RBFOX3: variants seen among roughly 807,000 people sequenced by gnomAD.
The protein encoded by RBFOX3 is RNA binding protein fox-1 homolog 3.
Under a neutral mutation model 48.7 loss-of-function variants are expected in RBFOX3, and 17 were observed. The observed-to-expected ratio is 0.35, with a 90% confidence interval of 0.24 to 0.52. The LOEUF (loss-of-function observed/expected upper bound fraction) is 0.52, where lower values mean the gene tolerates loss of function less well. Ranked by LOEUF, RBFOX3 falls within the 20% of genes least tolerant of loss-of-function variation. RBFOX3 has a pLI of 0.94. For synonymous variants in RBFOX3, 212 were observed against 209.5 expected, an observed-to-expected ratio of 1.01 and a Z score of -0.10; for missense variants, 382 against 497.5, an observed-to-expected ratio of 0.77 and a Z score of 2.21.
At chr17:79,315,950 T>G (rs2077484207) in intron 2 of RBFOX3, among the ~76,000 whole-genome samples, 1 of 151,790 alleles carries the variant, frequency 6.6e-6, no homozygotes. Flanking sequence ...CCGCAAGGGG[T>G]GGGTCCGCCA....
intron 4 of RBFOX3, among the ~76,000 whole-genome samples, chr17:79,229,335 TC>T (rs1172147815): frequency 7.0e-6 from 1 of 142,846 alleles, no homozygotes; most frequent in Non-Finnish European, 1.5e-5. Flanking sequence ...GGAGGGCAGA[TC>T]ACTTGAGGTC....
chr17:79,462,639 C>T (rs564382145), intron 2 of RBFOX3, among the ~76,000 whole-genome samples: 2 of 152,226 alleles, frequency 1.3e-5, no homozygotes, highest in Admixed American at 6.5e-5. Context: ...TGCTCAGTGT[C>T]CTACAGCCCA....
intron 1 of RBFOX3, among the ~76,000 whole-genome samples, chr17:79,587,625 C>T (rs887713301): frequency 2.6e-5 from 4 of 152,184 alleles, no homozygotes; most frequent in Non-Finnish European, 4.4e-5. Context: ...CTCAGCCAGG[C>T]GAGGTCCCCC....
intron 3 of RBFOX3, among the ~76,000 whole-genome samples, chr17:79,297,623 G>C (rs1203401116): frequency 6.6e-6 from 1 of 152,260 alleles, no homozygotes; most frequent in Non-Finnish European, 1.5e-5. Context: ...CCATAGGCCA[G>C]GGCACAGTGT....
intron 4 of RBFOX3, among the ~76,000 whole-genome samples, chr17:79,135,836 T>A (rs1283842763): frequency 6.6e-6 from 1 of 152,088 alleles, no homozygotes; most frequent in Non-Finnish European, 1.5e-5. Flanking sequence ...ACACACGAGG[T>A]CACAGAGTCC....
intron 3 of RBFOX3, among the ~76,000 whole-genome samples, chr17:79,297,693 C>T (rs1206650623): frequency 6.6e-6 from 1 of 152,224 alleles, no homozygotes; most frequent in East Asian, 1.9e-4. Flanking sequence ...ATAAACACAG[C>T]CGGCCACACT....
At chr17:79,236,103 T>G (rs1159539437) in intron 3 of RBFOX3, among the ~76,000 whole-genome samples, 2 of 152,168 alleles carry the variant, frequency 1.3e-5, no homozygotes, top group Non-Finnish European at 2.9e-5. Flanking sequence ...GTTCCTTTTT[T>G]TCCCCCACCT....
In RBFOX3 at chr17:79,479,353, C is replaced by T. The variant is rs1449032470; in HGVS notation, c.-175+3101G>A. Among the ~76,000 whole-genome samples the T allele has an allele frequency of 6.6e-6, 1 of 152,184 alleles. No homozygotes were observed. The highest frequency in any genetic ancestry group is 1.5e-5 in the Non-Finnish European group (1 of 68,032). On this transcript the variant is annotated intron_variant, in intron 2 of 14. Transcript: ENST00000693108. This position sits in a 1 kb window ranked among gnomAD's most constrained non-coding sequence, Gnocchi z 5.1. ...ATGTGTGTACATGGCCCTCTTCCTT[C>T]AGACACCCGCCATCCACCATCCTGA...
the RBFOX3 span, among the ~76,000 whole-genome samples, chr17:79,620,455 G>A: frequency 6.5e-5 from 9 of 139,362 alleles, no homozygotes; most frequent in East Asian, 2.2e-4. Flanking sequence ...GCACACATGC[G>A]CACACACATG....
chr17:79,142,455 A>G (rs944443120), intron 4 of RBFOX3, among the ~76,000 whole-genome samples: 5 of 152,038 alleles, frequency 3.3e-5, no homozygotes, highest in African/African-American at 9.7e-5. Flanking sequence ...TTCCATCCTA[A>G]GCCGCCCCTT....
intron 1 of RBFOX3, among the ~76,000 whole-genome samples, chr17:79,554,621 G>T (rs2091468372): frequency 6.6e-6 from 1 of 152,256 alleles, no homozygotes; most frequent in Non-Finnish European, 1.5e-5. Context: ...AGGAGGTGGG[G>T]ACCACGTCCT....
intron 2 of RBFOX3, among the ~76,000 whole-genome samples, chr17:79,375,618 G>A (rs1479725539): frequency 6.6e-6 from 1 of 152,196 alleles, no homozygotes; most frequent in African/African-American, 2.4e-5. Context: ...TCTGGGGGCT[G>A]AGCAGACTCG....
chr17:79,101,129 G>C (rs1249767662), intron 9 of RBFOX3, among the ~76,000 whole-genome samples: 1 of 152,152 alleles, frequency 6.6e-6, no homozygotes, highest in African/African-American at 2.4e-5. Context: ...GGAACTCAGA[G>C]AGGTCTAGAA....
At chr17:79,401,087 G>A (rs552964549) in intron 2 of RBFOX3, among the ~76,000 whole-genome samples, 1 of 152,370 alleles carries the variant, frequency 6.6e-6, no homozygotes, top group African/African-American at 2.4e-5. Flanking sequence ...CTCCAGTGCT[G>A]CCCTGCAGAG....
intron 4 of RBFOX3, among the ~76,000 whole-genome samples, chr17:79,165,777 G>C (rs2047873417): frequency 6.6e-6 from 1 of 152,220 alleles, no homozygotes. Flanking sequence ...CAGGTCACAG[G>C]ATCATTAGGG....
intron 4 of RBFOX3, among the ~76,000 whole-genome samples, chr17:79,170,029 G>A (rs1472110749): frequency 1.4e-5 from 2 of 146,158 alleles, no homozygotes; most frequent in East Asian, 4.1e-4. Context: ...AGGGCAGGAA[G>A]GAGAGAAGGA....
intron 1 of RBFOX3, among the ~76,000 whole-genome samples, chr17:79,514,006 C>T (rs1300070164): frequency 6.6e-6 from 1 of 152,320 alleles, no homozygotes; most frequent in South Asian, 2.1e-4. Flanking sequence ...ATCCTTGAAG[C>T]ACTGTGATTG....
intron 1 of RBFOX3, among the ~76,000 whole-genome samples, chr17:79,546,693 A>C (rs1186350357): frequency 4.7e-5 from 6 of 127,930 alleles, no homozygotes; most frequent in Admixed American, 1.6e-4. Flanking sequence ...TTTTTGAGAC[A>C]CGGTCTCACC....
intron 2 of RBFOX3, among the ~76,000 whole-genome samples, chr17:79,435,821 C>T (rs1033584695): frequency 5.9e-5 from 9 of 152,314 alleles, no homozygotes; most frequent in Admixed American, 1.3e-4. Context: ...CGATGTCTCC[C>T]AGCCACCTTG....
Sources: gnomAD v4.1 joint callset for allele counts (sites outside exome capture counted in the v4.1 genomes callset) on GRCh38, gnomAD v4.1.1 for gene constraint, Gnocchi (gnomAD v3.1) non-coding constraint, MANE v1.5 for transcripts, NCBI Gene and HGNC (gene_info 2026-07-23, HGNC 2026-07-21) for gene names.